Variants in PITPNC1 observed in about 807,000 individuals in gnomAD.
The protein encoded by PITPNC1 is cytoplasmic phosphatidylinositol transfer protein 1.
In PITPNC1, 18 loss-of-function variants were observed where a neutral mutation model predicts 44.7. That is an observed-to-expected ratio of 0.40 (90% CI 0.28 to 0.60). The LOEUF is 0.60. PITPNC1 is among the 20% of genes least tolerant of loss of function. PITPNC1 has a pLI of 0.39. For missense variants in PITPNC1, 290 were observed against 418.4 expected (o/e 0.69, Z 2.68); for synonymous variants, 141 against 149.6 (o/e 0.94, Z 0.42).
rs748132034 is a variant in PITPNC1, at chr17:67,654,055, G to A, written c.463-15453G>A. Among the ~76,000 whole-genome samples, 34 of 152,228 alleles carry A rather than the reference G, an allele frequency of 2.2e-4. No individual in the cohort carries two copies. The South Asian group carries it at 2.9e-3, about 13-fold the overall frequency. On this transcript the variant is annotated intron_variant, in intron 6 of 8. Coordinates refer to ENST00000581322, the MANE Select transcript of PITPNC1 (RefSeq NM_012417.4). ...CCCAGGTGAAATCGCCTAAGGGAGC[G>A]GCCCATGACAGGGACAATCTGCTCT...
At chr17:67,428,444 G>T (rs1393307008) in intron 1 of PITPNC1, among the ~76,000 whole-genome samples, 4 of 151,812 alleles carry the variant, frequency 2.6e-5, no homozygotes, top group African/African-American at 9.7e-5. Flanking sequence ...AGAGGCTAAG[G>T]TGGGAGGATT....
At chr17:67,433,513 C>T (rs2038889413) in intron 1 of PITPNC1, among the ~76,000 whole-genome samples, 1 of 152,078 alleles carries the variant, frequency 6.6e-6, no homozygotes, top group Non-Finnish European at 1.5e-5. Context: ...CCGAGGAGGG[C>T]GGATCCCTTG....
chr17:67,383,455 TTGAAGGTGGC>T (rs1365400409), intron 1 of PITPNC1, among the ~76,000 whole-genome samples: 1 of 152,134 alleles, frequency 6.6e-6, no homozygotes, highest in Non-Finnish European at 1.5e-5. Flanking sequence ...TACTCTCTAG[TTGAAGGTGGC>T]TGGGGACTCC....
At chr17:67,384,111 C>G (rs2038005742) in intron 1 of PITPNC1, among the ~76,000 whole-genome samples, 1 of 152,090 alleles carries the variant, frequency 6.6e-6, no homozygotes, top group Admixed American at 6.6e-5. Flanking sequence ...TGACTGCATT[C>G]ACATAAATGT....
chr17:67,604,907 C>A (rs1343020630), intron 5 of PITPNC1, among the ~76,000 whole-genome samples: 1 of 152,022 alleles, frequency 6.6e-6, no homozygotes, highest in Non-Finnish European at 1.5e-5. Context: ...TCATGAAGCC[C>A]CATCTCTACT....
At chr17:67,603,860 G>T (rs1446353151) in intron 5 of PITPNC1, among the ~76,000 whole-genome samples, 1 of 151,872 alleles carries the variant, frequency 6.6e-6, no homozygotes, top group Non-Finnish European at 1.5e-5. Flanking sequence ...AACCAGGGAG[G>T]CAGAGGCTGC....
At chr17:67,569,589 CG>C (rs1215459027) in intron 4 of PITPNC1, among the ~76,000 whole-genome samples, 1 of 152,106 alleles carries the variant, frequency 6.6e-6, no homozygotes, top group Non-Finnish European at 1.5e-5. Flanking sequence ...TGGTGGATTC[CG>C]TTGGGTTTGG....
At chr17:67,414,037 T>C (rs561367172) in intron 1 of PITPNC1, among the ~76,000 whole-genome samples, 2 of 152,186 alleles carry the variant, frequency 1.3e-5, no homozygotes, top group African/African-American at 4.8e-5. Flanking sequence ...TTTTTCTTTA[T>C]TGAATACCAA....
chr17:67,379,013 G>C (rs2037916026), intron 1 of PITPNC1: 1 of 985,388 alleles, frequency 1.0e-6, no homozygotes, highest in Admixed American at 6.1e-5. Context: ...CTGCGAAGCC[G>C]CGAGCTCCAG....
In PITPNC1 at chr17:67,425,252, CACACACACACAG is replaced by C. The variant is rs1357622005; in HGVS notation, c.48+47052_48+47063del. 3.8e-3 allele frequency among the ~76,000 whole-genome samples: 453 copies of C among 119,126 alleles called. 9 individuals are homozygous for C. The highest frequency in any genetic ancestry group is 0.014 in the Middle Eastern group (3 of 214). 78.2% of individuals were successfully genotyped at this position (119,126 alleles called of 152,430 possible). ...ACACACACACACACACACACACACA[CACACACACACAG>C]AGGGAGAGAGAGAGAGAAATGACCT... On this transcript the variant is annotated intron_variant, in intron 1 of 8. Transcript: ENST00000581322.
chr17:67,667,175 AC>A (rs1302178870), intron 6 of PITPNC1, among the ~76,000 whole-genome samples: 1 of 152,134 alleles, frequency 6.6e-6, no homozygotes, highest in Non-Finnish European at 1.5e-5. Context: ...CAGGACCAGG[AC>A]TAGCCCCAAA....
At chr17:67,523,429 G>A (rs2040353284) in intron 1 of PITPNC1, among the ~76,000 whole-genome samples, 1 of 152,092 alleles carries the variant, frequency 6.6e-6, no homozygotes, top group Non-Finnish European at 1.5e-5. Context: ...ACTAGAAGGA[G>A]CAGTGGTGAG....
intron 5 of PITPNC1, among the ~76,000 whole-genome samples, chr17:67,596,529 G>A (rs988766156): frequency 6.6e-6 from 1 of 151,968 alleles, no homozygotes; most frequent in Non-Finnish European, 1.5e-5. Context: ...TTTTTCTTTT[G>A]AGATAGAGTC....
rs373777592 is a variant in PITPNC1 at position 67,674,468 on chromosome 17, C to T, written c.619-1011C>T. The stretch of plus-strand genomic sequence containing the variant: ...ATAGTGAGTTGAGATTGCACCACTG[C>T]ACTTCAGCCTGGGGGACAGAGCAAG... On this transcript the variant is annotated intron_variant, in intron 7 of 8. Coordinates refer to ENST00000581322, the MANE Select transcript of PITPNC1 (RefSeq NM_012417.4). Among the ~76,000 whole-genome samples the T allele has an allele frequency of 5.4e-5, 8 of 146,954 alleles. No individual in the cohort carries two copies. The East Asian group carries it at 1.6e-3, about 29-fold the overall frequency.
intron 1 of PITPNC1, among the ~76,000 whole-genome samples, chr17:67,437,999 C>T (rs1163646610): frequency 1.3e-5 from 2 of 150,976 alleles, no homozygotes; most frequent in Non-Finnish European, 1.5e-5. Context: ...ACCTGGGAGG[C>T]GGAGGTTGCA....
At position 67,696,326 on chromosome 17, in the gene PITPNC1, G is replaced by A. The variant is rs2144493442; in HGVS notation, c.*3438G>A. The A allele has an allele frequency of 6.6e-6, 1 of 152,282 alleles. No individual in the cohort carries two copies. Among genetic ancestry groups the A allele is most frequent in the South Asian group, 2.1e-4 (1 of 4,826 alleles). 9.4% of individuals were successfully genotyped at this position (152,282 alleles called of 1,614,324 possible). ...AAAGTTTCAGGGCTAATGTATTTAT[G>A]TGTATTTTTAAATTCTACTTTCTTT... On this transcript the variant is annotated 3_prime_UTR_variant, in exon 9 of 9. Coordinates refer to ENST00000581322, the MANE Select transcript of PITPNC1 (RefSeq NM_012417.4).
intron 4 of PITPNC1, among the ~76,000 whole-genome samples, chr17:67,564,125 G>C (rs1472255689): frequency 2.0e-5 from 3 of 151,590 alleles, no homozygotes; most frequent in Non-Finnish European, 4.4e-5. Flanking sequence ...TAGGTAGACA[G>C]ATTAGATAAA....
At chr17:67,383,992 G>A (rs777808374) in intron 1 of PITPNC1, among the ~76,000 whole-genome samples, 10 of 152,074 alleles carry the variant, frequency 6.6e-5, no homozygotes, top group Non-Finnish European at 1.2e-4. Flanking sequence ...AGCTGAGATC[G>A]CACCATCGCA....
intron 6 of PITPNC1, among the ~76,000 whole-genome samples, chr17:67,642,821 A>G (rs2144352825): frequency 6.6e-6 from 1 of 152,224 alleles, no homozygotes; most frequent in African/African-American, 2.4e-5. Flanking sequence ...GCCCAACTTC[A>G]TCCTAGAGAA....
Sources: gnomAD v4.1 joint callset for allele counts (sites outside exome capture counted in the v4.1 genomes callset) on GRCh38, gnomAD v4.1.1 for gene constraint, MANE v1.5 for transcripts, NCBI Gene and HGNC (gene_info 2026-07-23, HGNC 2026-07-21) for gene names.